Variants in LAMA2 observed in about 807,000 individuals in gnomAD.
LAMA2 encodes laminin subunit alpha 2.
LAMA2 carries 269 observed loss-of-function variants against 364.8 expected under a neutral mutation model. The observed-to-expected ratio is 0.74, with a 90% CI of 0.67 to 0.82. The LOEUF (loss-of-function observed/expected upper bound fraction) is 0.82. Ranked by LOEUF, LAMA2 falls within the 40% of genes least tolerant of loss-of-function variation. LAMA2 has a pLI of 0.00. For missense variants in LAMA2, 3,807 were observed against 3,873.2 expected, an observed-to-expected ratio of 0.98 and a Z score of 0.45; for synonymous variants, 1,379 against 1,370.6, an observed-to-expected ratio of 1.01 and a Z score of -0.14.
At chr6:128,923,235 A>G (rs1429900132) in intron 1 of LAMA2, among the ~76,000 whole-genome samples, 1 of 150,906 alleles carries the variant, frequency 6.6e-6, no homozygotes, top group East Asian at 1.9e-4. Context: ...GTTTTTTCCA[A>G]CTCTGTGAAG....
At chr6:129,063,680 G>A (rs1008517743) in intron 3 of LAMA2, among the ~76,000 whole-genome samples, 1 of 152,014 alleles carries the variant, frequency 6.6e-6, no homozygotes, top group South Asian at 2.1e-4. Flanking sequence ...CTAAGAATGC[G>A]TTTACCAAAC....
At chr6:129,305,192 T>G (rs1039390626) in intron 22 of LAMA2, among the ~76,000 whole-genome samples, 1 of 152,232 alleles carries the variant, frequency 6.6e-6, no homozygotes, top group Non-Finnish European at 1.5e-5. Context: ...CCTAGTAACA[T>G]TCCTTGTTCA....
intron 40 of LAMA2, among the ~76,000 whole-genome samples, chr6:129,421,882 A>G (rs1048874178): frequency 3.9e-5 from 6 of 151,980 alleles, no homozygotes; most frequent in Non-Finnish European, 8.8e-5. Context: ...GGCCTATACT[A>G]TTACAATAAC....
intron 4 of LAMA2, among the ~76,000 whole-genome samples, chr6:129,111,783 T>G (rs1776174361): frequency 6.6e-6 from 1 of 152,020 alleles, no homozygotes; most frequent in Admixed American, 6.6e-5. Context: ...AATATTAAAC[T>G]AAACCTGAGT....
chr6:129,210,008 A>G (rs1259022580), intron 12 of LAMA2, among the ~76,000 whole-genome samples: 43 of 123,412 alleles, frequency 3.5e-4, no homozygotes, highest in African/African-American at 1.4e-3. Flanking sequence ...CATCTCAAAA[A>G]AAAAAAAAAA....
chr6:129,224,915 C>T (rs932181519), intron 12 of LAMA2, among the ~76,000 whole-genome samples: 1 of 152,162 alleles, frequency 6.6e-6, no homozygotes, highest in Non-Finnish European at 1.5e-5. Context: ...ATGGTACCAC[C>T]TCCTCCTTGT....
chr6:129,191,318 T>C (rs961501227), intron 11 of LAMA2, among the ~76,000 whole-genome samples: 1 of 152,252 alleles, frequency 6.6e-6, no homozygotes, highest in African/African-American at 2.4e-5. Context: ...ATATTTTCTC[T>C]GCCTGCAGTG....
intron 1 of LAMA2, among the ~76,000 whole-genome samples, chr6:128,911,370 G>A (rs1037074248): frequency 3.3e-5 from 5 of 152,144 alleles, no homozygotes; most frequent in Admixed American, 1.3e-4. Flanking sequence ...TCGGAAAGGC[G>A]CAGTATTCGG....
At chr6:129,452,739 C>CA (rs1782743652) in intron 45 of LAMA2, among the ~76,000 whole-genome samples, 1 of 151,992 alleles carries the variant, frequency 6.6e-6, no homozygotes, top group Non-Finnish European at 1.5e-5. Context: ...TTGCATGCTT[C>CA]AAAAAATAGT....
At chr6:129,496,071 C>T (rs1785168613) in intron 58 of LAMA2, among the ~76,000 whole-genome samples, 1 of 152,196 alleles carries the variant, frequency 6.6e-6, no homozygotes, top group African/African-American at 2.4e-5. Context: ...AAACTTACAG[C>T]ATGGCCCAGG....
chr6:128,991,596 AAT>A (rs1783618867), intron 1 of LAMA2, among the ~76,000 whole-genome samples: 1 of 152,200 alleles, frequency 6.6e-6, no homozygotes, highest in Non-Finnish European at 1.5e-5. Flanking sequence ...ATTTTAAAGA[AAT>A]ATTTCTGTTT....
At chr6:129,165,200 T>C (rs78506502) in intron 8 of LAMA2, among the ~76,000 whole-genome samples, 1 of 151,828 alleles carries the variant, frequency 6.6e-6, no homozygotes, top group African/African-American at 2.4e-5. Flanking sequence ...TTTTTTTTTT[T>C]CCTATTACAT....
At position 129,514,639 on chromosome 6, in the gene LAMA2, G is replaced by A. The variant is rs368263512; in HGVS notation, c.9211+44G>A. On this transcript the variant is annotated intron_variant, in intron 64 of 64. Transcript: ENST00000421865. ...AGCAACAATTTCTTTGCTCTCTTAT[G>A]TTACTGGTTTTGAAAACATTTATAT... The A allele has an allele frequency of 3.0e-5, 44 of 1,455,258 alleles. No homozygotes were observed. In the African/African-American group the frequency reaches 4.2e-4, roughly 14 times the overall value. The allele number at this position is 1,455,258 out of a possible 1,614,324, so 90.1% of individuals were successfully genotyped here. A position where few individuals can be genotyped will look rare whatever the true frequency, so the allele number is the denominator to read the frequency against.
Position 129,048,894 on chromosome 6 carries a change from C to T in LAMA2, c.113-1024C>T, listed in dbSNP as rs188866101. Among the ~76,000 whole-genome samples the T allele has an allele frequency of 9.9e-4, 151 of 152,082 alleles. 1 individual carries two copies. In the Middle Eastern group the frequency reaches 0.01, roughly 10 times the overall value. ...CCTCCCAAAGTGCTGGGATTACAGG[C>T]GTGAGTCACCACACCCGGCGAGGAA... On this transcript the variant is annotated intron_variant, in intron 1 of 64. Transcript: ENST00000421865.
intron 12 of LAMA2, among the ~76,000 whole-genome samples, chr6:129,233,467 G>A (rs1433936927): frequency 6.6e-6 from 1 of 152,090 alleles, no homozygotes; most frequent in African/African-American, 2.4e-5. Flanking sequence ...TATATATGCT[G>A]TATTCTTATA....
intron 35 of LAMA2, among the ~76,000 whole-genome samples, chr6:129,390,294 C>T (rs962844930): frequency 6.6e-6 from 1 of 151,878 alleles, no homozygotes; most frequent in Non-Finnish European, 1.5e-5. Flanking sequence ...CTAATGGGCT[C>T]CAAGGTGGTG....
At chr6:128,922,032 T>C (rs564366790) in intron 1 of LAMA2, among the ~76,000 whole-genome samples, 14 of 152,288 alleles carry the variant, frequency 9.2e-5, no homozygotes, top group Middle Eastern at 3.4e-3. Flanking sequence ...ACAAAGCACA[T>C]GAACTCATCA....
intron 12 of LAMA2, among the ~76,000 whole-genome samples, chr6:129,198,611 T>A (rs1781990604): frequency 6.6e-6 from 1 of 152,112 alleles, no homozygotes; most frequent in Admixed American, 6.6e-5. Flanking sequence ...GCAAGATTAA[T>A]CAAGCAAAAC....
At chr6:129,421,276 A>G (rs755250813) in intron 40 of LAMA2, among the ~76,000 whole-genome samples, 2 of 152,076 alleles carry the variant, frequency 1.3e-5, no homozygotes, top group Non-Finnish European at 2.9e-5. Context: ...ACATAAAAAT[A>G]GACTCTGTTT....
Sources: allele counts gnomAD v4.1 joint callset (sites outside exome capture counted in the v4.1 genomes callset), GRCh38; gene constraint gnomAD v4.1.1; transcripts MANE v1.5; gene names NCBI Gene and HGNC (gene_info 2026-07-23, HGNC 2026-07-21).